CTC1: variants seen among roughly 807,000 people sequenced by gnomAD.
CTC1 encodes the protein CST telomere replication complex component 1, also known as CST complex subunit CTC1.
In CTC1, 91 loss-of-function variants were observed where a neutral mutation model predicts 136.3. The observed-to-expected ratio is 0.67, with a 90% CI of 0.56 to 0.79. CTC1 has a LOEUF of 0.79. CTC1 is among the 30% of genes least tolerant of loss of function. The probability of loss-of-function intolerance (pLI) is 0.00; values close to 1 mark genes in which losing one functional copy is unlikely to be tolerated. For synonymous variants in CTC1, 606 were observed against 613.8 expected (o/e 0.99, Z 0.19); for missense variants, 1,432 against 1,498.1 (o/e 0.96, Z 0.73).
intron 5 of CTC1, 96 bp from the exon 6 acceptor site, chr17:8,236,438 G>GC (rs1987736824): frequency 2.3e-6 from 3 of 1,318,900 alleles, no homozygotes; most frequent in South Asian, 2.8e-5. Context: ...TCAGAGACCT[G>GC]CCCTCTGTGA....
rs935171369 is a variant in CTC1 at position 8,227,535 on chromosome 17, C to T, written c.*645G>A. The T allele has an allele frequency of 6.5e-6, 1 of 153,018 alleles. No individual in the cohort carries two copies. Among genetic ancestry groups the T allele is most frequent in the African/African-American group, 2.4e-5 (1 of 41,420 alleles). 9.5% of individuals were successfully genotyped at this position (153,018 alleles called of 1,614,324 possible). A position where few individuals can be genotyped will look rare whatever the true frequency, so the allele number is the denominator to read the frequency against. The stretch of plus-strand genomic sequence containing the variant: ...ACACCTTCTTTGTGCTTGTGAACAC[C>T]TCTAGGCATTCATATTTGACTTCCT... On this transcript the variant is annotated 3_prime_UTR_variant, in exon 23 of 23. Coordinates refer to ENST00000651323, the MANE Select transcript of CTC1 (RefSeq NM_025099.6).
chr17:8,242,223 G>A (rs1051483875), intron 2 of CTC1, among the ~76,000 whole-genome samples: 1 of 151,710 alleles, frequency 6.6e-6, no homozygotes, highest in Non-Finnish European at 1.5e-5. Context: ...AGTAGAGATG[G>A]TGTTTCAGCA....
Position 8,248,020 on chromosome 17 carries a change from G to A in CTC1, c.17C>T (p.Ala6Val), listed in dbSNP as rs371541763. MAAGR[A>V]QVPSSEQAWL... ...AGCACTCACGGAGGAAGGGACCTGG[G>A]CCCGGCCAGCCGCCATGATGCGCCG... Residue 6 changes from alanine (A) to valine (V), a missense_variant, in exon 1 of 23, where the codon GCC becomes GTC. Ala to Val is a moderately conservative substitution (Grantham distance 64). Coordinates refer to ENST00000651323, the MANE Select transcript of CTC1 (RefSeq NM_025099.6). 18 of 1,464,518 alleles carry A rather than the reference G, an allele frequency of 1.2e-5. No individual in the cohort carries two copies. The African/African-American group carries it at 1.4e-4, about 12-fold the overall frequency. The allele number at this position is 1,464,518 out of a possible 1,614,324, so 90.7% of individuals were successfully genotyped here. A position where few individuals can be genotyped will look rare whatever the true frequency, so the allele number is the denominator to read the frequency against.
At chr17:8,228,948 C>A in intron 20 of CTC1, 56 bp from the exon 21 acceptor site, 1 of 1,559,640 alleles carries the variant, frequency 6.4e-7, no homozygotes, top group South Asian at 1.2e-5. Flanking sequence ...TGCCAACACC[C>A]TGGACCCAAC....
At chr17:8,244,486 C>T (rs577287759) in intron 1 of CTC1, among the ~76,000 whole-genome samples, 1 of 152,210 alleles carries the variant, frequency 6.6e-6, no homozygotes, top group African/African-American at 2.4e-5. Flanking sequence ...CCTGGTCCTC[C>T]AATGCTCATA....
In CTC1 at chr17:8,227,949, G is replaced by C. The variant is rs1597371734; in HGVS notation, c.*231C>G. On this transcript the variant is annotated 3_prime_UTR_variant, in exon 23 of 23. Coordinates refer to ENST00000651323, the MANE Select transcript of CTC1 (RefSeq NM_025099.6). ...GTGCTCAGGGCCGCCTGTGAATGCA[G>C]GTGCCTTGTCCCAATCAGAGGACAT... 4.2e-6 allele frequency: 2 copies of C among 471,846 alleles called. No homozygotes were observed. Among genetic ancestry groups the C allele is most frequent in the East Asian group, 6.9e-5 (2 of 28,876 alleles). The allele number at this position is 471,846 out of a possible 1,614,324, so 29.2% of individuals were successfully genotyped here.
At chr17:8,244,355 A>G (rs1233083957) in intron 1 of CTC1, among the ~76,000 whole-genome samples, 1 of 152,158 alleles carries the variant, frequency 6.6e-6, no homozygotes, top group African/African-American at 2.4e-5. Context: ...TGATATGTAG[A>G]TAACTTTAGG....
intron 15 of CTC1, 158 bp from the exon 16 acceptor site, chr17:8,230,809 T>A (rs1987153559): frequency 7.9e-6 from 5 of 633,882 alleles, no homozygotes; most frequent in Non-Finnish European, 1.1e-5. Context: ...ACACTAAGAG[T>A]AACAGGGCCT....
At chr17:8,246,161 G>A (rs141269001) in intron 1 of CTC1, among the ~76,000 whole-genome samples, 1 of 149,582 alleles carries the variant, frequency 6.7e-6, no homozygotes, top group African/African-American at 2.5e-5. Context: ...GAGCCATGAT[G>A]GTGCCACTGC....
chr17:8,230,471 A>G lies in CTC1; in HGVS notation c.2759-3T>C, dbSNP rs1349524309. The G allele has an allele frequency of 6.2e-7, 1 of 1,613,744 alleles. No individual in the cohort carries two copies. Among genetic ancestry groups the G allele is most frequent in the African/African-American group, 1.3e-5 (1 of 74,888 alleles). On this transcript the variant is annotated splice_polypyrimidine_tract_variant and splice_region_variant and intron_variant, in intron 16 of 22. Transcript: ENST00000651323. ...CCTTCTCATGGCCCCCGTGTTCCCT[A>G]TAGAAGGAAGGTGGGTGTTAGTAGG...
chr17:8,232,648 C>T, intron 11 of CTC1, 173 bp from the exon 12 acceptor site: 1 of 672,112 alleles, frequency 1.5e-6, no homozygotes, highest in South Asian at 1.8e-5. Flanking sequence ...TCTCTCCAAA[C>T]TAAGAATGTA....
chr17:8,231,234 G>T (rs551847077), intron 15 of CTC1, 42 bp downstream of exon 15: 7 of 1,455,968 alleles, frequency 4.8e-6, no homozygotes, highest in Middle Eastern at 1.8e-4. Context: ...TGGGAGAAGA[G>T]AGAGTGGCCA....
At position 8,228,077 on chromosome 17, in the gene CTC1, T is replaced by C; in HGVS notation, c.*103A>G. ...ATAGTGGAGTAGCAGTTTGTGAATC[T>C]GGAGTCCTTGGTTCAATCACAGAAC... On this transcript the variant is annotated 3_prime_UTR_variant, in exon 23 of 23. Coordinates refer to ENST00000651323, the MANE Select transcript of CTC1 (RefSeq NM_025099.6). The C allele has an allele frequency of 8.7e-7, 1 of 1,150,098 alleles. No individual in the cohort carries two copies. Among genetic ancestry groups the C allele is most frequent in the Admixed American group, 2.1e-5 (1 of 48,712 alleles). 71.2% of individuals were successfully genotyped at this position (1,150,098 alleles called of 1,614,324 possible).
In CTC1 at chr17:8,229,178, C is replaced by T. The variant is rs757286824; in HGVS notation, c.3185G>A (p.Cys1062Tyr). ...QGKCTRLGST[C>Y]PTQTAISQAI... ...CTGGCTTATAGCTGTCTGCGTAGGG[C>T]AAGTGGAGCCCAGGCGAGTGCACTT... The change falls in exon 20 of 23, where the codon TGC (cysteine) becomes TAC (tyrosine). Residue 1062 changes from cysteine (C) to tyrosine (Y), a missense_variant. Cys to Tyr is a radical substitution (Grantham distance 194). Transcript: ENST00000651323. 1 of 1,614,114 alleles carries T rather than the reference C, an allele frequency of 6.2e-7. No homozygotes were observed. The highest frequency in any genetic ancestry group is 8.5e-7 in the Non-Finnish European group (1 of 1,180,026).
At position 8,234,744 on chromosome 17, in the gene CTC1, C is replaced by T. The variant is rs766214390; in HGVS notation, c.1617+5G>A. ...TGCCACCATCCTTCCCCCACATCCT[C>T]ATACTTTCTGGAGGGGACAGTGATG... is the stretch of plus-strand genomic sequence containing the variant. On this transcript the variant is annotated splice_donor_5th_base_variant and intron_variant, in intron 9 of 22. Coordinates refer to ENST00000651323, the MANE Select transcript of CTC1 (RefSeq NM_025099.6). The T allele has an allele frequency of 2.1e-5, 34 of 1,587,166 alleles. No individual in the cohort carries two copies. The highest frequency in any genetic ancestry group is 2.8e-5 in the Non-Finnish European group (33 of 1,165,464).
chr17:8,232,077 G>A lies in CTC1; in HGVS notation c.2211C>T (p.His737=). ...LGQSRLFLLC[H]KEALMKRNFC... is the part of the protein sequence containing the mutation. The stretch of plus-strand genomic sequence containing the variant: ...AATTACGCTTCATGAGGGCCTCCTT[G>A]TGGCAGAGCAAGAAGAGCCGGCTCT... The change falls in exon 13 of 23, where the codon CAC becomes CAT. Residue 737 remains histidine (H), a synonymous_variant. Transcript: ENST00000651323. The A allele has an allele frequency of 6.4e-7, 1 of 1,557,808 alleles. No individual in the cohort carries two copies. The highest frequency in any genetic ancestry group is 1.4e-5 in the African/African-American group (1 of 72,722).
In CTC1 at chr17:8,235,919, T is replaced by G; in HGVS notation, c.1118A>C (p.Tyr373Ser). 1 of 1,613,576 alleles carries G rather than the reference T, an allele frequency of 6.2e-7. No individual in the cohort carries two copies. The highest frequency in any genetic ancestry group is 8.5e-7 in the Non-Finnish European group (1 of 1,179,572). Residue 373 changes from tyrosine to serine, a missense_variant, in exon 7 of 23, where the codon TAT (tyrosine) becomes TCT (serine). Transcript: ENST00000651323. The part of the protein sequence containing the change: ...TGVLNEPAGL[Y>S]ELDGQLGLCL... ...GAGCCCCAGCTGCCCATCCAGCTCA[T>G]AGAGGCCAGCGGGCTCATTCAACAC...
chr17:8,227,962 A>G lies in CTC1; in HGVS notation c.*218T>C. 1.9e-6 allele frequency: 1 copy of G among 523,452 alleles called. No homozygotes were observed. Among genetic ancestry groups the G allele is most frequent in the Non-Finnish European group, 3.4e-6 (1 of 291,082 alleles). 32.4% of individuals were successfully genotyped at this position (523,452 alleles called of 1,614,324 possible). A position where few individuals can be genotyped will look rare whatever the true frequency, so the allele number is the denominator to read the frequency against. Reference sequence around the variant, plus strand: ...CCTGTGAATGCAGGTGCCTTGTCCCAATCAGAGGACATATTAATAGGGCCA... The same window carrying G: ...CCTGTGAATGCAGGTGCCTTGTCCCGATCAGAGGACATATTAATAGGGCCA... On this transcript the variant is annotated 3_prime_UTR_variant, in exon 23 of 23. Transcript: ENST00000651323.
At position 8,230,176 on chromosome 17, in the gene CTC1, G is replaced by A. The variant is rs374348117; in HGVS notation, c.2933+118C>T. Reference sequence around the variant, plus strand: ...ACTGGCTGGGCACAAATGGCAGACTGATATATGGAAACCTGTATGAAAGAG... The same window carrying A: ...ACTGGCTGGGCACAAATGGCAGACTAATATATGGAAACCTGTATGAAAGAG... On this transcript the variant is annotated intron_variant, in intron 17 of 22. Transcript: ENST00000651323. 162 of 1,125,970 alleles carry A rather than the reference G, an allele frequency of 1.4e-4. 1 individual carries two copies. The East Asian group carries it at 2.6e-3, about 18-fold the overall frequency. The allele number at this position is 1,125,970 out of a possible 1,614,324, so 69.7% of individuals were successfully genotyped here.
Sources: gnomAD v4.1 joint callset for allele counts (sites outside exome capture counted in the v4.1 genomes callset) on GRCh38, gnomAD v4.1.1 for gene constraint, MANE v1.5 for transcripts, NCBI Gene and HGNC (gene_info 2026-07-23, HGNC 2026-07-21) for gene names.